C1orf21: variants seen among roughly 807,000 people sequenced by gnomAD.
C1orf21 encodes the protein chromosome 1 open reading frame 21, also known as uncharacterized protein C1orf21.
In C1orf21, 3 loss-of-function variants were observed where a neutral mutation model predicts 18.7. That is an observed-to-expected ratio of 0.16 (90% CI 0.07 to 0.42). The LOEUF (loss-of-function observed/expected upper bound fraction) is 0.42, where lower values mean the gene tolerates loss of function less well. Among genes scored for constraint, C1orf21 ranks in the 10% least tolerant of loss-of-function variants. C1orf21 has a pLI of 0.99. For synonymous variants in C1orf21, 41 were observed against 46.4 expected (o/e 0.88, Z 0.47); for missense variants, 104 against 143.6 (o/e 0.72, Z 1.41).
At chr1:184,486,644 A>G (rs1390631891) in intron 2 of C1orf21, among the ~76,000 whole-genome samples, 1 of 152,128 alleles carries the variant, frequency 6.6e-6, no homozygotes, top group Admixed American at 6.5e-5. Context: ...AAAAATTTCT[A>G]CTTGGAAACG....
At chr1:184,416,182 G>GT (rs900030094) in intron 1 of C1orf21, among the ~76,000 whole-genome samples, 42 of 151,878 alleles carry the variant, frequency 2.8e-4, no homozygotes, top group South Asian at 1.9e-3. Flanking sequence ...CTCCATAAAT[G>GT]TTTTTTTTGG....
chr1:184,499,031 T>G (rs1015740565), intron 2 of C1orf21, among the ~76,000 whole-genome samples: 1 of 152,196 alleles, frequency 6.6e-6, no homozygotes, highest in Admixed American at 6.5e-5. Context: ...TGTGAAACTT[T>G]CAGAACTAGA....
chr1:184,443,335 A>G (rs577236615), intron 1 of C1orf21, among the ~76,000 whole-genome samples: 5 of 152,292 alleles, frequency 3.3e-5, no homozygotes, highest in East Asian at 1.9e-4. Context: ...TACAATCGCT[A>G]TTCTGAGGTG....
chr1:184,572,502 A>G (rs1002753242), intron 3 of C1orf21, among the ~76,000 whole-genome samples: 25 of 152,194 alleles, frequency 1.6e-4, no homozygotes, highest in African/African-American at 5.8e-4. Context: ...CTGAAGTGAA[A>G]TTTAGAGAAA....
At chr1:184,412,537 A>T (rs1283596920) in intron 1 of C1orf21, among the ~76,000 whole-genome samples, 2 of 152,246 alleles carry the variant, frequency 1.3e-5, no homozygotes, top group African/African-American at 4.8e-5. Context: ...ATTAAAAGTA[A>T]TTTGCAAATC....
chr1:184,473,721 C>A (rs1196514140), intron 1 of C1orf21, among the ~76,000 whole-genome samples: 1 of 152,172 alleles, frequency 6.6e-6, no homozygotes, highest in Non-Finnish European at 1.5e-5. Flanking sequence ...TCTAACCTGA[C>A]ATTTCTTGAT....
intron 1 of C1orf21, among the ~76,000 whole-genome samples, chr1:184,392,739 AT>A (rs1189447137): frequency 6.7e-6 from 1 of 149,718 alleles, no homozygotes; most frequent in Non-Finnish European, 1.5e-5. Context: ...TTTGACAAGT[AT>A]CCCTTTCATC....
chr1:184,568,372 A>T lies in C1orf21; in HGVS notation c.190-22367A>T, dbSNP rs774955165. 9 of 464,884 alleles carry T rather than the reference A, an allele frequency of 1.9e-5. No homozygotes were observed. The East Asian group carries it at 4.9e-4, about 25-fold the overall frequency. The allele number at this position is 464,884 out of a possible 1,614,324, so 28.8% of individuals were successfully genotyped here. A position where few individuals can be genotyped will look rare whatever the true frequency, so the allele number is the denominator to read the frequency against. On this transcript the variant is annotated intron_variant, in intron 3 of 5. Coordinates refer to ENST00000235307, the MANE Select transcript of C1orf21 (RefSeq NM_030806.4). ...TAAACTTTGTACCCATTAAACACTA[A>T]CTCCTCCTTCCTCGCTGTTCCCAGT...
At chr1:184,495,854 G>A (rs1026986113) in intron 2 of C1orf21, among the ~76,000 whole-genome samples, 3 of 148,338 alleles carry the variant, frequency 2.0e-5, no homozygotes, top group Non-Finnish European at 4.4e-5. Context: ...GGAGGCAGAG[G>A]TTGCAGTGAG....
At chr1:184,463,852 C>T (rs1424068760) in intron 1 of C1orf21, among the ~76,000 whole-genome samples, 1 of 152,154 alleles carries the variant, frequency 6.6e-6, no homozygotes, top group African/African-American at 2.4e-5. Flanking sequence ...CTCACATAGA[C>T]ACATATAGAT....
intron 1 of C1orf21, among the ~76,000 whole-genome samples, chr1:184,393,656 A>G (rs1656006777): frequency 6.6e-6 from 1 of 152,224 alleles, no homozygotes; most frequent in South Asian, 2.1e-4. Flanking sequence ...TCTCCATTGG[A>G]TAAGCTAAAG....
At chr1:184,426,152 C>A (rs141657205) in intron 1 of C1orf21, among the ~76,000 whole-genome samples, 29 of 152,362 alleles carry the variant, frequency 1.9e-4, no homozygotes, top group African/African-American at 7.0e-4. Flanking sequence ...AATTATTACC[C>A]AATCATAAAT....
chr1:184,543,829 C>T (rs903944498), intron 3 of C1orf21, among the ~76,000 whole-genome samples: 2 of 152,144 alleles, frequency 1.3e-5, no homozygotes, highest in African/African-American at 4.8e-5. Context: ...TTGCTTCTCT[C>T]AAATATCACT....
At chr1:184,524,352 A>G (rs1206177533) in intron 3 of C1orf21, among the ~76,000 whole-genome samples, 1 of 152,180 alleles carries the variant, frequency 6.6e-6, no homozygotes, top group Admixed American at 6.5e-5. Flanking sequence ...ACGTATGAAT[A>G]TAAAACTATA....
intron 1 of C1orf21, among the ~76,000 whole-genome samples, chr1:184,463,809 T>C (rs1212129979): frequency 1.3e-5 from 2 of 152,220 alleles, no homozygotes; most frequent in African/African-American, 2.4e-5. Context: ...CAGACAATTA[T>C]GACATGTAGC....
At chr1:184,522,237 T>C (rs893088856) in intron 3 of C1orf21, among the ~76,000 whole-genome samples, 3 of 152,192 alleles carry the variant, frequency 2.0e-5, no homozygotes, top group Non-Finnish European at 2.9e-5. Context: ...ATATAATGTA[T>C]ATAGGCATGT....
chr1:184,615,835 A>G lies in C1orf21; in HGVS notation c.328-3683A>G, dbSNP rs1369499933. On this transcript the variant is annotated intron_variant, in intron 5 of 5. Transcript: ENST00000235307. The stretch of plus-strand genomic sequence containing the variant: ...TGGCATATAGTAATTGTACGTATTT[A>G]TAGGGTACATGTGGTATTTTGATAC... Among the ~76,000 whole-genome samples the G allele has an allele frequency of 2.0e-5, 3 of 152,302 alleles. No homozygotes were observed. In the East Asian group the frequency reaches 5.8e-4, roughly 29 times the overall value.
chr1:184,536,338 C>CTCACCACACAGCT (rs56119812), intron 3 of C1orf21, among the ~76,000 whole-genome samples: 69,965 of 151,876 alleles, frequency 0.46, 16,750 homozygotes, highest in African/African-American at 0.61. Flanking sequence ...CTCCACTGTG[C>CTCACCACACAGCT]TCACCCTGTG....
chr1:184,477,687 T>G, intron 2 of C1orf21, 84 bp downstream of exon 2: 1 of 1,079,100 alleles, frequency 9.3e-7, no homozygotes, highest in South Asian at 1.5e-5. Context: ...TTGTACATAT[T>G]TATGGGGTGC....
Sources: allele counts gnomAD v4.1 joint callset (sites outside exome capture counted in the v4.1 genomes callset), GRCh38; gene constraint gnomAD v4.1.1; transcripts MANE v1.5; gene names NCBI Gene and HGNC (gene_info 2026-07-23, HGNC 2026-07-21).